IL21R: variants seen among roughly 807,000 people sequenced by gnomAD.
IL21R encodes the protein interleukin 21 receptor.
In IL21R, 14 loss-of-function variants were observed where a neutral mutation model predicts 41.3. The observed-to-expected ratio is 0.34, with a 90% CI of 0.22 to 0.53. The LOEUF (loss-of-function observed/expected upper bound fraction) is 0.53. Ranked by LOEUF, IL21R falls within the 20% of genes least tolerant of loss-of-function variation. IL21R has a pLI of 0.94. For synonymous variants in IL21R, 286 were observed against 287.6 expected, an observed-to-expected ratio of 0.99 and a Z score of 0.05; for missense variants, 588 against 681.6, an observed-to-expected ratio of 0.86 and a Z score of 1.53.
chr16:27,411,352 A>G (rs771338468), intron 1 of IL21R, among the ~76,000 whole-genome samples: 3 of 150,722 alleles, frequency 2.0e-5, no homozygotes, highest in Admixed American at 1.3e-4. Context: ...TGTAGTTTTA[A>G]TTTGTATTTC....
Position 27,430,098 on chromosome 16 carries a change from G to T in IL21R, c.27G>T (p.Leu9Phe), listed in dbSNP as rs758665836. ...TGCCGCGTGGCTGGGCCGCCCCCTTGCTCCTGCTGCTGCTCCAGGGAGGTA... is the reference window on the plus strand; with the variant it reads ...TGCCGCGTGGCTGGGCCGCCCCCTTTCTCCTGCTGCTGCTCCAGGGAGGTA... MPRGWAAP[L>F]LLLLLQGGWG... The change falls in exon 2 of 9, where the codon TTG (leucine) becomes TTT (phenylalanine). Residue 9 changes from leucine to phenylalanine, a missense_variant. Transcript: ENST00000337929. 11 of 1,605,164 alleles carry T rather than the reference G, an allele frequency of 6.9e-6. No individual in the cohort carries two copies. Among genetic ancestry groups the T allele is most frequent in the Non-Finnish European group, 2.5e-6 (3 of 1,179,820 alleles).
chr16:27,425,592 G>A (rs1176601948), intron 1 of IL21R, among the ~76,000 whole-genome samples: 4 of 147,940 alleles, frequency 2.7e-5, no homozygotes. Context: ...TTGCTCTGTT[G>A]CCCAGGCTGG....
chr16:27,433,293 C>T (rs2087206998), intron 2 of IL21R, among the ~76,000 whole-genome samples: 1 of 152,008 alleles, frequency 6.6e-6, no homozygotes, highest in African/African-American at 2.4e-5. Context: ...ATGGTGAAAC[C>T]CTGTCTCTAC....
At chr16:27,404,277 C>T (rs759367534) in intron 1 of IL21R, among the ~76,000 whole-genome samples, 3 of 152,174 alleles carry the variant, frequency 2.0e-5, no homozygotes, top group Non-Finnish European at 2.9e-5. Flanking sequence ...TAGGAGGAGG[C>T]AGAATCCAGG....
chr16:27,430,117 G>A lies in IL21R; in HGVS notation c.46G>A (p.Gly16Arg). ...CCCCTTGCTCCTGCTGCTGCTCCAG[G>A]GAGGTAAGTGGCTGCCCCGTGGTCT... ...AAPLLLLLLQGGWGCPDLVCY... is the reference protein window; with the variant it reads ...AAPLLLLLLQRGWGCPDLVCY... The change falls in exon 2 of 9, where the codon GGA becomes AGA. Residue 16 changes from glycine (G) to arginine (R), a missense_variant. By Grantham distance (125) the Gly-to-Arg change is moderately radical. Coordinates refer to ENST00000337929, the MANE Select transcript of IL21R (RefSeq NM_181078.3). The A allele has an allele frequency of 1.2e-6, 2 of 1,603,766 alleles. No homozygotes were observed. Among genetic ancestry groups the A allele is most frequent in the South Asian group, 2.2e-5 (2 of 90,934 alleles).
intron 1 of IL21R, among the ~76,000 whole-genome samples, chr16:27,421,797 A>G (rs1330410800): frequency 6.6e-6 from 1 of 152,094 alleles, no homozygotes; most frequent in Non-Finnish European, 1.5e-5. Context: ...ACAAGATCAT[A>G]TTATCTGCAA....
At chr16:27,407,507 A>C (rs2086766407) in intron 1 of IL21R, among the ~76,000 whole-genome samples, 1 of 152,216 alleles carries the variant, frequency 6.6e-6, no homozygotes, top group Admixed American at 6.5e-5. Flanking sequence ...GCCCTGATGC[A>C]GGAAAAAAAG....
At chr16:27,429,887 A>G (rs1042596424) in intron 1 of IL21R, among the ~76,000 whole-genome samples, 169 bp from the exon 2 acceptor site, 5 of 152,204 alleles carry the variant, frequency 3.3e-5, no homozygotes, top group Non-Finnish European at 7.3e-5. Context: ...TGCCATTTCT[A>G]AGAGGTGGGA....
chr16:27,409,210 TA>T (rs1217582045), intron 1 of IL21R, among the ~76,000 whole-genome samples: 5 of 147,378 alleles, frequency 3.4e-5, no homozygotes, highest in African/African-American at 7.4e-5. Context: ...TTATTATATA[TA>T]ATTTATATTT....
At chr16:27,421,837 T>C (rs766737661) in intron 1 of IL21R, among the ~76,000 whole-genome samples, 1 of 152,120 alleles carries the variant, frequency 6.6e-6, no homozygotes, top group Admixed American at 6.5e-5. Context: ...TCCTTTCCAA[T>C]CTGAAAGTCT....
At chr16:27,441,046 C>CAAAAAA (rs35321284) in intron 4 of IL21R, among the ~76,000 whole-genome samples, 4 of 68,336 alleles carry the variant, frequency 5.9e-5, no homozygotes, top group African/African-American at 1.5e-4. Context: ...GATTCTGTCT[C>CAAAAAA]AAAAAAAAAA....
intron 8 of IL21R, among the ~76,000 whole-genome samples, chr16:27,447,077 G>A (rs866413722): frequency 5.9e-5 from 9 of 152,170 alleles, no homozygotes; most frequent in South Asian, 2.1e-4. Flanking sequence ...CAGAGTGGAT[G>A]TTCCACTGCC....
chr16:27,410,539 G>A (rs952678215), intron 1 of IL21R, among the ~76,000 whole-genome samples: 3 of 152,098 alleles, frequency 2.0e-5, no homozygotes, highest in African/African-American at 7.2e-5. Context: ...ATCAAACCCA[G>A]CCCACTTCAA....
intron 1 of IL21R, among the ~76,000 whole-genome samples, chr16:27,410,934 A>G (rs1435605901): frequency 1.3e-5 from 2 of 152,144 alleles, no homozygotes; most frequent in South Asian, 2.1e-4. Context: ...TTTTTTTGCA[A>G]TTGGTTTATT....
intron 2 of IL21R, among the ~76,000 whole-genome samples, chr16:27,431,908 G>C (rs954757694): frequency 2.6e-5 from 4 of 152,192 alleles, no homozygotes; most frequent in Non-Finnish European, 5.9e-5. Flanking sequence ...CCTCCCAAAA[G>C]TGCTGGGATT....
intron 1 of IL21R, among the ~76,000 whole-genome samples, chr16:27,418,218 T>C (rs56406040): frequency 0.049 from 7,167 of 145,864 alleles, 250 homozygotes; most frequent in Middle Eastern, 0.085. Context: ...TACAGGCGCC[T>C]GCCACTGCGC....
chr16:27,418,995 G>A (rs569252114), intron 1 of IL21R, among the ~76,000 whole-genome samples: 17 of 151,966 alleles, frequency 1.1e-4, no homozygotes, highest in South Asian at 1.0e-3. Context: ...AGGGCGGATC[G>A]CCTGCAATCA....
At chr16:27,431,657 C>CTT in intron 2 of IL21R, among the ~76,000 whole-genome samples, 1 of 146,060 alleles carries the variant, frequency 6.8e-6, no homozygotes, top group East Asian at 2.0e-4. Flanking sequence ...CCCATCTTTG[C>CTT]TTTTTTTTTT....
intron 1 of IL21R, among the ~76,000 whole-genome samples, chr16:27,420,462 C>G (rs2086981453): frequency 6.6e-6 from 1 of 152,212 alleles, no homozygotes; most frequent in South Asian, 2.1e-4. Context: ...ACCCTCCGCC[C>G]CCTCATTCAC....
Sources: allele counts gnomAD v4.1 joint callset (sites outside exome capture counted in the v4.1 genomes callset), GRCh38; gene constraint gnomAD v4.1.1; transcripts MANE v1.5; gene names NCBI Gene and HGNC (gene_info 2026-07-23, HGNC 2026-07-21).